The following CEP20 variants were observed in gnomAD, a reference collection of about 807,000 sequenced individuals.
CEP20 encodes centrosomal protein 20.
Under a neutral mutation model 20.0 loss-of-function variants are expected in CEP20, and 18 were observed. The ratio of observed to expected loss-of-function variants is 0.90; its 90% CI spans 0.62 to 1.34. The LOEUF (loss-of-function observed/expected upper bound fraction) is 1.34. CEP20 is among the 40% of genes most tolerant of loss of function. The probability of loss-of-function intolerance (pLI) is 0.00; values close to 1 mark genes in which losing one functional copy is unlikely to be tolerated. For missense variants in CEP20, 215 were observed against 201.6 expected, an observed-to-expected ratio of 1.07 and a Z score of -0.40; for synonymous variants, 77 against 73.7, an observed-to-expected ratio of 1.04 and a Z score of -0.23.
chr16:15,873,538 G>A lies in CEP20; in HGVS notation c.401C>T (p.Pro134Leu), dbSNP rs201235494. The change falls in exon 4 of 5, where the codon CCT (proline) becomes CTT (leucine). Residue 134 changes from proline to leucine, a missense_variant. Pro to Leu is a moderately conservative substitution (Grantham distance 98). Coordinates refer to ENST00000255759, the MANE Select transcript of CEP20 (RefSeq NM_144600.4). The part of the protein sequence containing the change: ...NAFLKGPSLQ[P>L]SDPSLGRQPS... ...TTGTCTGCCAAGACTTGGGTCTGAA[G>A]GCTGAAGTGAAGGCCCTTTCAGAAA... The A allele has an allele frequency of 3.1e-6, 5 of 1,614,052 alleles. No individual in the cohort carries two copies. The East Asian group carries it at 1.1e-4, about 36-fold the overall frequency.
chr16:15,886,901 ATTTG>A (rs1293359510), intron 1 of CEP20, among the ~76,000 whole-genome samples: 1 of 144,550 alleles, frequency 6.9e-6, no homozygotes, highest in Non-Finnish European at 1.5e-5. Flanking sequence ...TTATTTTTTA[ATTTG>A]TTTTTTTTTT....
intron 3 of CEP20, among the ~76,000 whole-genome samples, chr16:15,875,764 C>A (rs1398823550): frequency 6.6e-6 from 1 of 152,036 alleles, no homozygotes; most frequent in East Asian, 1.9e-4. Context: ...CCTAACAAGG[C>A]TATTAACAAG....
intron 1 of CEP20, among the ~76,000 whole-genome samples, chr16:15,886,905 G>GTT (rs5815849): frequency 0.083 from 11,940 of 144,208 alleles, 552 homozygotes; most frequent in Middle Eastern, 0.15. Flanking sequence ...TTTTTAATTT[G>GTT]TTTTTTTTTT....
chr16:15,884,817 T>C (rs1213230658), intron 1 of CEP20, among the ~76,000 whole-genome samples: 1 of 152,046 alleles, frequency 6.6e-6, no homozygotes, highest in Non-Finnish European at 1.5e-5. Context: ...ACATAATTCT[T>C]TAGTGAGGGG....
At chr16:15,885,388 T>C (rs1335071462) in intron 1 of CEP20, among the ~76,000 whole-genome samples, 3 of 151,648 alleles carry the variant, frequency 2.0e-5, no homozygotes, top group African/African-American at 4.8e-5. Context: ...TGAAAAGGTG[T>C]TGGGTTTTTC....
rs377654029 is a variant in CEP20, at chr16:15,888,523, G to T, written c.28+35C>A. The T allele has an allele frequency of 1.2e-5, 19 of 1,613,856 alleles. No homozygotes were observed. In the African/African-American group the frequency reaches 2.5e-4, roughly 22 times the overall value. On this transcript the variant is annotated intron_variant, in intron 1 of 4. Coordinates refer to ENST00000255759, the MANE Select transcript of CEP20 (RefSeq NM_144600.4). ...CCTTTCCACAAGATGAAGGCCCGACGCTTCCCATGTGGAGGCCTCCCTGCT... is the reference window on the plus strand; with the variant it reads ...CCTTTCCACAAGATGAAGGCCCGACTCTTCCCATGTGGAGGCCTCCCTGCT...
intron 1 of CEP20, among the ~76,000 whole-genome samples, chr16:15,888,076 TAAAA>T (rs60631057): frequency 2.3e-5 from 3 of 130,766 alleles, no homozygotes; most frequent in Non-Finnish European, 4.9e-5. Flanking sequence ...ACCCTCTCTT[TAAAA>T]AAAAAAAAAA....
At chr16:15,869,111 A>G (rs1416193638) in intron 4 of CEP20, among the ~76,000 whole-genome samples, 1 of 151,712 alleles carries the variant, frequency 6.6e-6, no homozygotes, top group Non-Finnish European at 1.5e-5. Context: ...GTGTGTGTAT[A>G]TATATATAAA....
intron 4 of CEP20, among the ~76,000 whole-genome samples, chr16:15,872,048 C>G (rs2044832096): frequency 1.3e-5 from 2 of 152,296 alleles, no homozygotes; most frequent in South Asian, 4.1e-4. Flanking sequence ...GGCGCGGTGG[C>G]TCAAGCCTGT....
At chr16:15,887,831 C>A (rs927907879) in intron 1 of CEP20, among the ~76,000 whole-genome samples, 1 of 152,066 alleles carries the variant, frequency 6.6e-6, no homozygotes, top group Non-Finnish European at 1.5e-5. Context: ...CAGGCGCTCA[C>A]ACCTGTAATC....
At chr16:15,878,807 G>T (rs773254717) in intron 3 of CEP20, among the ~76,000 whole-genome samples, 22 of 152,064 alleles carry the variant, frequency 1.4e-4, no homozygotes, top group Non-Finnish European at 2.4e-4. Context: ...CTAGAGATGG[G>T]GTTTCCCCAT....
Position 15,866,071 on chromosome 16 carries a change from C to G in CEP20, c.*1369G>C, listed in dbSNP as rs893393144. 1 of 152,174 alleles carries G rather than the reference C, an allele frequency of 6.6e-6. No individual in the cohort carries two copies. The highest frequency in any genetic ancestry group is 1.9e-4 in the East Asian group (1 of 5,200). The allele number at this position is 152,174 out of a possible 1,614,324, so 9.4% of individuals were successfully genotyped here. The stretch of plus-strand genomic sequence containing the variant: ...TGCAGATTTAAAAATGGAAAATGGA[C>G]TCTTGCAATACTTCTGCATCCATAT... On this transcript the variant is annotated 3_prime_UTR_variant, in exon 5 of 5. Coordinates refer to ENST00000255759, the MANE Select transcript of CEP20 (RefSeq NM_144600.4).
At chr16:15,876,453 C>T (rs953326562) in intron 3 of CEP20, among the ~76,000 whole-genome samples, 2 of 150,750 alleles carry the variant, frequency 1.3e-5, no homozygotes, top group Non-Finnish European at 2.9e-5. Context: ...CCAGCCTGGA[C>T]GACAGAGTGA....
intron 3 of CEP20, among the ~76,000 whole-genome samples, chr16:15,876,131 G>A (rs1456028776): frequency 8.0e-5 from 12 of 150,004 alleles, no homozygotes; most frequent in Non-Finnish European, 1.6e-4. Context: ...AGGACTCCCT[G>A]GCACATACAT....
chr16:15,867,585 A>C, intron 4 of CEP20, 69 bp from the exon 5 acceptor site: 1 of 1,007,076 alleles, frequency 9.9e-7, no homozygotes, highest in Non-Finnish European at 1.5e-6. Context: ...AGACATAGCT[A>C]CAAATATCTT....
chr16:15,879,954 A>G, intron 2 of CEP20, 66 bp from the exon 3 acceptor site: 1 of 1,111,532 alleles, frequency 9.0e-7, no homozygotes, highest in Non-Finnish European at 1.3e-6. Flanking sequence ...GATTTTGAAA[A>G]GAATCACATT....
In CEP20 at chr16:15,866,604, C is replaced by A. The variant is rs2151416686; in HGVS notation, c.*836G>T. The A allele has an allele frequency of 6.6e-6, 1 of 152,326 alleles. No homozygotes were observed. Among genetic ancestry groups the A allele is most frequent in the South Asian group, 2.1e-4 (1 of 4,830 alleles). 9.4% of individuals were successfully genotyped at this position (152,326 alleles called of 1,614,324 possible). A position where few individuals can be genotyped will look rare whatever the true frequency, so the allele number is the denominator to read the frequency against. ...CCCAAACAAGTAGGGGGCTGGCCCT[C>A]TTCTGGCTCATCTGTGATTGCACAA... On this transcript the variant is annotated 3_prime_UTR_variant, in exon 5 of 5. Coordinates refer to ENST00000255759, the MANE Select transcript of CEP20 (RefSeq NM_144600.4).
In CEP20 at chr16:15,873,597, G is replaced by T; in HGVS notation, c.342C>A (p.Phe114Leu). The T allele has an allele frequency of 1.2e-6, 2 of 1,613,926 alleles. No individual in the cohort carries two copies. The highest frequency in any genetic ancestry group is 1.7e-6 in the Non-Finnish European group (2 of 1,179,884). ...IPLLYGILAHFLRGTKDGIQN... is the reference protein window; with the variant it reads ...IPLLYGILAHLLRGTKDGIQN... ...GGATGCCATCCTTAGTTCCACGCAA[G>T]AAATGGGCTAAAATCCCATATAAAA... The change falls in exon 4 of 5, where the codon TTC (phenylalanine) becomes TTA (leucine). Residue 114 changes from phenylalanine to leucine, a missense_variant. Transcript: ENST00000255759.
intron 2 of CEP20, among the ~76,000 whole-genome samples, chr16:15,883,428 T>C (rs1209138537): frequency 6.6e-5 from 10 of 152,058 alleles, no homozygotes; most frequent in Non-Finnish European, 1.2e-4. Context: ...GATGCGATCA[T>C]GGCTCACTAA....
Sources: allele counts gnomAD v4.1 joint callset (sites outside exome capture counted in the v4.1 genomes callset), GRCh38; gene constraint gnomAD v4.1.1; transcripts MANE v1.5; gene names NCBI Gene and HGNC (gene_info 2026-07-23, HGNC 2026-07-21).